FYB1: variants seen among roughly 807,000 people sequenced by gnomAD.
FYB1 encodes the protein FYN binding protein 1.
In FYB1, 41 loss-of-function variants were observed where a neutral mutation model predicts 94.1. The ratio of observed to expected loss-of-function variants is 0.44; its 90% confidence interval spans 0.34 to 0.57. The LOEUF (loss-of-function observed/expected upper bound fraction) is 0.57, where lower values mean the gene tolerates loss of function less well. Among genes scored for constraint, FYB1 ranks in the 20% least tolerant of loss-of-function variants. The probability of loss-of-function intolerance (pLI) is 0.02; values close to 1 mark genes in which losing one functional copy is unlikely to be tolerated. For synonymous variants in FYB1, 367 were observed against 353.2 expected, an observed-to-expected ratio of 1.04 and a Z score of -0.44; for missense variants, 1,050 against 976.8, an observed-to-expected ratio of 1.07 and a Z score of -1.00.
At chr5:39,138,212 T>A (rs1741833985) in intron 6 of FYB1, 1 of 165,824 alleles carries the variant, frequency 6.0e-6, no homozygotes, top group African/African-American at 2.4e-5. Context: ...AGAAATTTCG[T>A]TTCCAAGAAA....
intron 2 of FYB1, among the ~76,000 whole-genome samples, chr5:39,192,348 T>A (rs1029006802): frequency 2.0e-5 from 3 of 152,238 alleles, no homozygotes; most frequent in Non-Finnish European, 4.4e-5. Context: ...TTATATAATT[T>A]TGATCAAATT....
In FYB1 at chr5:39,137,731, A is replaced by G; in HGVS notation, c.1395-11T>C. On this transcript the variant is annotated splice_polypyrimidine_tract_variant and intron_variant, in intron 6 of 18. Transcript: ENST00000512982. ...TCTTTGGATGCTTCTCTGTGAGTAA[A>G]AATTGTTAGGTTGTTTTCACATCTG... The G allele has an allele frequency of 6.4e-7, 1 of 1,550,576 alleles. No individual in the cohort carries two copies. The highest frequency in any genetic ancestry group is 8.7e-7 in the Non-Finnish European group (1 of 1,146,682).
chr5:39,233,110 AT>A lies in FYB1; in HGVS notation c.-27-30124del, dbSNP rs1750820268. On this transcript the variant is annotated intron_variant, in intron 1 of 1. Transcript: ENST00000510188. ...TAATGGGATGGCTGGGTCAAATGGT[AT>A]TTCTAGTTCTAGATCCCTGAGGAAT... Among the ~76,000 whole-genome samples, 5 of 152,264 alleles carry A rather than the reference AT, an allele frequency of 3.3e-5. No homozygotes were observed. The South Asian group carries it at 8.3e-4, about 25-fold the overall frequency.
intron 3 of FYB1, among the ~76,000 whole-genome samples, chr5:39,145,556 A>C (rs1197849977): frequency 6.6e-6 from 1 of 152,172 alleles, no homozygotes; most frequent in Non-Finnish European, 1.5e-5. Flanking sequence ...ACATAATATA[A>C]ATTTAAGTAC....
chr5:39,173,820 G>A (rs1745470506), intron 2 of FYB1, among the ~76,000 whole-genome samples: 1 of 152,136 alleles, frequency 6.6e-6, no homozygotes, highest in African/African-American at 2.4e-5. Flanking sequence ...TTTTGTACCA[G>A]TATCATGCTC....
chr5:39,156,456 A>T (rs10074503), intron 2 of FYB1, among the ~76,000 whole-genome samples: 5,591 of 152,270 alleles, frequency 0.037, 332 homozygotes, highest in African/African-American at 0.13. Flanking sequence ...AGGGCAAGAG[A>T]TGGAAAGGGA....
chr5:39,248,643 C>A (rs1017688512), intron 1 of FYB1, among the ~76,000 whole-genome samples: 10 of 152,264 alleles, frequency 6.6e-5, no homozygotes, highest in Admixed American at 5.9e-4. Context: ...TCGAGACCAG[C>A]CTGGCCAACA....
intron 1 of FYB1, among the ~76,000 whole-genome samples, chr5:39,240,974 A>G (rs1345904408): frequency 6.6e-6 from 1 of 152,206 alleles, no homozygotes; most frequent in Non-Finnish European, 1.5e-5. Flanking sequence ...ACACCATGGA[A>G]TACTATGCAG....
intron 2 of FYB1, among the ~76,000 whole-genome samples, chr5:39,186,574 T>A (rs1157681526): frequency 1.3e-5 from 2 of 149,650 alleles, no homozygotes; most frequent in African/African-American, 4.9e-5. Flanking sequence ...GATGTGATAA[T>A]GAAAATCTTT....
intron 2 of FYB1, among the ~76,000 whole-genome samples, chr5:39,186,518 G>A (rs1040160906): frequency 1.3e-5 from 2 of 152,008 alleles, no homozygotes; most frequent in Non-Finnish European, 2.9e-5. Context: ...GAGTAATACA[G>A]CAAGAGAGGC....
At chr5:39,200,184 C>T (rs2150489265) in intron 2 of FYB1, among the ~76,000 whole-genome samples, 1 of 152,308 alleles carries the variant, frequency 6.6e-6, no homozygotes, top group Admixed American at 6.5e-5. Context: ...CAAGGATAAA[C>T]TCCGTCTGCT....
intron 1 of FYB1, among the ~76,000 whole-genome samples, chr5:39,253,235 G>A (rs554543732): frequency 3.9e-5 from 6 of 152,282 alleles, no homozygotes; most frequent in African/African-American, 1.4e-4. Flanking sequence ...ATGCAAGAAT[G>A]TGAACTGATG....
At chr5:39,135,989 A>C (rs771325623) in intron 7 of FYB1, among the ~76,000 whole-genome samples, 10 of 152,202 alleles carry the variant, frequency 6.6e-5, no homozygotes, top group Non-Finnish European at 1.2e-4. Flanking sequence ...TGTAAAGCTG[A>C]ATTCTCCAGA....
intron 1 of FYB1, among the ~76,000 whole-genome samples, chr5:39,238,619 A>G (rs928420407): frequency 1.1e-4 from 17 of 152,058 alleles, no homozygotes; most frequent in African/African-American, 3.9e-4. Flanking sequence ...GGGTGCAAGA[A>G]GAGAGAAAAA....
chr5:39,132,686 A>G (rs1009115416), intron 9 of FYB1, among the ~76,000 whole-genome samples: 1 of 152,176 alleles, frequency 6.6e-6, no homozygotes, highest in African/African-American at 2.4e-5. Context: ...TAAGAACCTC[A>G]TTGTTTTTTC....
intron 1 of FYB1, among the ~76,000 whole-genome samples, chr5:39,208,501 A>G (rs1031751176): frequency 6.6e-5 from 10 of 152,178 alleles, no homozygotes; most frequent in African/African-American, 1.9e-4. Flanking sequence ...TTTGTTACCC[A>G]TGACTTACTT....
intron 13 of FYB1, among the ~76,000 whole-genome samples, chr5:39,123,199 T>C (rs936253179): frequency 1.4e-4 from 22 of 152,300 alleles, no homozygotes; most frequent in African/African-American, 4.6e-4. Context: ...GTTTAAATAC[T>C]CTCTGGTAGT....
chr5:39,160,734 T>C (rs1204031239), intron 2 of FYB1, among the ~76,000 whole-genome samples: 1 of 152,228 alleles, frequency 6.6e-6, no homozygotes, highest in Non-Finnish European at 1.5e-5. Context: ...ATTCAAAATA[T>C]GTCTATCTGC....
intron 2 of FYB1, among the ~76,000 whole-genome samples, chr5:39,184,764 C>T (rs1209074666): frequency 6.6e-6 from 1 of 151,934 alleles, no homozygotes; most frequent in East Asian, 1.9e-4. Flanking sequence ...CATCCTTTGC[C>T]CCCAAGTTCA....
Sources: allele counts gnomAD v4.1 joint callset (sites outside exome capture counted in the v4.1 genomes callset), GRCh38; gene constraint gnomAD v4.1.1; transcripts MANE v1.5; gene names NCBI Gene and HGNC (gene_info 2026-07-23, HGNC 2026-07-21).